The following SDHAF4 variants were observed in gnomAD, a reference collection of about 807,000 sequenced individuals.
SDHAF4 encodes succinate dehydrogenase complex assembly factor 4.
In SDHAF4, 14 loss-of-function variants were observed where a neutral mutation model predicts 14.3. That is an observed-to-expected ratio of 0.98 (90% confidence interval 0.65 to 1.53). SDHAF4 has a LOEUF of 1.53. Ranked by LOEUF, SDHAF4 falls within the 40% of genes most tolerant of loss-of-function variation. The pLI, the probability that SDHAF4 is intolerant of heterozygous loss-of-function variation, is 0.00. For synonymous variants in SDHAF4, 63 were observed against 47.3 expected, an observed-to-expected ratio of 1.33 and a Z score of -1.36; for missense variants, 141 against 129.3, an observed-to-expected ratio of 1.09 and a Z score of -0.44.
intron 2 of SDHAF4, among the ~76,000 whole-genome samples, chr6:70,587,037 G>C (rs1276997256): frequency 6.6e-6 from 1 of 151,954 alleles, no homozygotes; most frequent in East Asian, 1.9e-4. Context: ...TGGGCATGGT[G>C]GTGCACACCT....
intron 1 of SDHAF4, among the ~76,000 whole-genome samples, chr6:70,576,503 C>T (rs1581928313): frequency 6.6e-6 from 1 of 152,222 alleles, no homozygotes; most frequent in South Asian, 2.1e-4. Context: ...TTATACATCC[C>T]AGAGTTAGGC....
At chr6:70,582,858 T>C (rs891818951) in intron 2 of SDHAF4, among the ~76,000 whole-genome samples, 6 of 152,310 alleles carry the variant, frequency 3.9e-5, no homozygotes, top group African/African-American at 1.4e-4. Context: ...TCTCCCTGCC[T>C]CTAGTATGTA....
At chr6:70,584,389 C>T (rs1765174499) in intron 2 of SDHAF4, among the ~76,000 whole-genome samples, 1 of 152,156 alleles carries the variant, frequency 6.6e-6, no homozygotes, top group South Asian at 2.1e-4. Flanking sequence ...TAAAGAGGTA[C>T]AAGGCAGTTC....
In SDHAF4 at chr6:70,588,738, T is replaced by A. The variant is rs1765231146; in HGVS notation, c.*14T>A. 2.1e-6 allele frequency: 3 copies of A among 1,434,290 alleles called. No homozygotes were observed. The highest frequency in any genetic ancestry group is 2.9e-6 in the Non-Finnish European group (3 of 1,027,020). The allele number at this position is 1,434,290 out of a possible 1,614,324, so 88.8% of individuals were successfully genotyped here. The stretch of plus-strand genomic sequence containing the variant: ...ATTGATTTTTAAGTCGCATATTCTT[T>A]AACTTCAATATTGTTTTCTGAATAT... On this transcript the variant is annotated 3_prime_UTR_variant, in exon 3 of 3. Coordinates refer to ENST00000370474, the MANE Select transcript of SDHAF4 (RefSeq NM_145267.3).
intron 2 of SDHAF4, 62 bp from the exon 3 acceptor site, chr6:70,588,553 A>G (rs991154610): frequency 1.4e-5 from 10 of 730,314 alleles, no homozygotes; most frequent in Non-Finnish European, 2.3e-5. Context: ...AATTGAATTA[A>G]ATTGACTATA....
At chr6:70,575,384 A>G (rs947672084) in intron 1 of SDHAF4, among the ~76,000 whole-genome samples, 1 of 152,004 alleles carries the variant, frequency 6.6e-6, no homozygotes, top group African/African-American at 2.4e-5. Flanking sequence ...TCTGAAAAAA[A>G]AAAGGACCCT....
At chr6:70,584,925 A>T (rs1765178922) in intron 2 of SDHAF4, among the ~76,000 whole-genome samples, 1 of 152,230 alleles carries the variant, frequency 6.6e-6, no homozygotes, top group African/African-American at 2.4e-5. Context: ...ATCCCATGCA[A>T]GAAGACAGAA....
At chr6:70,584,834 C>T (rs191506115) in intron 2 of SDHAF4, among the ~76,000 whole-genome samples, 3 of 152,038 alleles carry the variant, frequency 2.0e-5, no homozygotes, top group Admixed American at 1.3e-4. Flanking sequence ...TTTGTGGCCT[C>T]GATGTGTGAT....
chr6:70,593,045 G>C (rs1236967418), downstream of SDHAF4, among the ~76,000 whole-genome samples: 1 of 152,232 alleles, frequency 6.6e-6, no homozygotes, highest in African/African-American at 2.4e-5. Context: ...GGCTGCCTTG[G>C]ACCTCTACTC....
At chr6:70,589,606 T>TAATAATGGGAGTTAA (rs1765241273), downstream of SDHAF4, 3 of 152,226 alleles carry the variant, frequency 2.0e-5, no homozygotes, top group African/African-American at 7.2e-5. Context: ...TAGTGGCTTT[T>TAATAATGGGAGTTAA]AACATGTGAG....
the SDHAF4 span, chr6:70,596,728 G>A: frequency 1.3e-5 from 2 of 152,040 alleles, no homozygotes; most frequent in Admixed American, 6.6e-5. Context: ...ATGAGTGTTT[G>A]GTTAGATTGA....
At chr6:70,575,241 A>G (rs1396611992) in intron 1 of SDHAF4, among the ~76,000 whole-genome samples, 1 of 152,088 alleles carries the variant, frequency 6.6e-6, no homozygotes, top group Non-Finnish European at 1.5e-5. Context: ...AGCTCAGCGT[A>G]TTGGTGGGTG....
At chr6:70,573,562 C>G (rs983977513) in intron 1 of SDHAF4, among the ~76,000 whole-genome samples, 4 of 151,488 alleles carry the variant, frequency 2.6e-5, no homozygotes, top group Non-Finnish European at 2.9e-5. Flanking sequence ...CAATGCCCGG[C>G]CAGCTATTTG....
downstream of SDHAF4, among the ~76,000 whole-genome samples, chr6:70,591,183 G>T (rs1245736919): frequency 6.6e-6 from 1 of 152,036 alleles, no homozygotes; most frequent in Admixed American, 6.6e-5. Flanking sequence ...GGTACCCTGT[G>T]GCCTACTCAA....
In SDHAF4 at chr6:70,589,197, C is replaced by G. The variant is rs964845891; in HGVS notation, c.*473C>G. ...CTTGTTTTTTTGAGACAGAGTCTCT[C>G]TCTCTCACCCAGGCTGGAGTGGAGT... On this transcript the variant is annotated 3_prime_UTR_variant, in exon 3 of 3. Coordinates refer to ENST00000370474, the MANE Select transcript of SDHAF4 (RefSeq NM_145267.3). The G allele has an allele frequency of 1.3e-5, 2 of 152,154 alleles. No individual in the cohort carries two copies. The highest frequency in any genetic ancestry group is 4.8e-5 in the African/African-American group (2 of 41,404). The allele number at this position is 152,154 out of a possible 1,614,324, so 9.4% of individuals were successfully genotyped here. A position where few individuals can be genotyped will look rare whatever the true frequency, so the allele number is the denominator to read the frequency against.
At chr6:70,567,098 C>G in intron 1 of SDHAF4, 94 bp downstream of exon 1, 1 of 1,286,540 alleles carries the variant, frequency 7.8e-7, no homozygotes, top group Admixed American at 2.1e-5. Flanking sequence ...CCGCGTGTGT[C>G]CTGGCCGTTC....
At chr6:70,580,764 A>G (rs772686286) in intron 2 of SDHAF4, among the ~76,000 whole-genome samples, 2 of 152,218 alleles carry the variant, frequency 1.3e-5, no homozygotes, top group African/African-American at 2.4e-5. Flanking sequence ...TAAGGTACCT[A>G]GAATAGGCAA....
At chr6:70,584,839 T>A (rs1218683090) in intron 2 of SDHAF4, among the ~76,000 whole-genome samples, 1 of 152,068 alleles carries the variant, frequency 6.6e-6, no homozygotes, top group Non-Finnish European at 1.5e-5. Flanking sequence ...GGCCTCGATG[T>A]GTGATGATTT....
In SDHAF4 at chr6:70,569,009, G is replaced by A. The variant is rs1275730444; in HGVS notation, c.64+2005G>A. On this transcript the variant is annotated intron_variant, in intron 1 of 2. Transcript: ENST00000370474. ...GAGGCGGAGTTTCGCTCTGTCGCCCGGGCTGGAGTGCAGTGGCGCGATCTC... is the reference window on the plus strand; with the variant it reads ...GAGGCGGAGTTTCGCTCTGTCGCCCAGGCTGGAGTGCAGTGGCGCGATCTC... 8.6e-5 allele frequency among the ~76,000 whole-genome samples: 10 copies of A among 115,872 alleles called. No individual in the cohort carries two copies. In the Admixed American group the frequency reaches 1.2e-3, roughly 14 times the overall value. The allele number at this position is 115,872 out of a possible 152,430, so 76.0% of individuals were successfully genotyped here.
Sources: allele counts gnomAD v4.1 joint callset (sites outside exome capture counted in the v4.1 genomes callset), GRCh38; gene constraint gnomAD v4.1.1; transcripts MANE v1.5; gene names NCBI Gene and HGNC (gene_info 2026-07-23, HGNC 2026-07-21).